Variants in CDH18 observed in about 807,000 individuals in gnomAD.
The protein encoded by CDH18 is cadherin-18.
Under a neutral mutation model 67.9 loss-of-function variants are expected in CDH18, and 31 were observed. The observed-to-expected ratio is 0.46, with a 90% CI of 0.34 to 0.62. CDH18 has a LOEUF of 0.62. Among genes scored for constraint, CDH18 ranks in the 20% least tolerant of loss-of-function variants. The pLI, the probability that CDH18 is intolerant of heterozygous loss-of-function variation, is 0.01. For synonymous variants in CDH18, 362 were observed against 347.2 expected, an observed-to-expected ratio of 1.04 and a Z score of -0.48; for missense variants, 890 against 975.5, an observed-to-expected ratio of 0.91 and a Z score of 1.17.
At chr5:19,687,299 G>A (rs1761237944) in intron 5 of CDH18, among the ~76,000 whole-genome samples, 1 of 152,182 alleles carries the variant, frequency 6.6e-6, no homozygotes, top group Non-Finnish European at 1.5e-5. Context: ...CATTTTGAAA[G>A]ACCAGCCTCC....
At chr5:19,979,217 T>TGTGTGTGTGA (rs1554075595) in intron 2 of CDH18, among the ~76,000 whole-genome samples, 1 of 138,832 alleles carries the variant, frequency 7.2e-6, no homozygotes, top group Non-Finnish European at 1.6e-5. Flanking sequence ...GGGGATGGAG[T>TGTGTGTGTGA]GTGTGTGTGT....
At chr5:19,782,655 A>T (rs1479255780) in intron 3 of CDH18, among the ~76,000 whole-genome samples, 1 of 152,176 alleles carries the variant, frequency 6.6e-6, no homozygotes, top group Non-Finnish European at 1.5e-5. Flanking sequence ...ACATGAGCGC[A>T]CTTAGACTTA....
intron 2 of CDH18, among the ~76,000 whole-genome samples, chr5:19,909,460 T>C (rs959965620): frequency 6.6e-6 from 1 of 151,750 alleles, no homozygotes; most frequent in Non-Finnish European, 1.5e-5. Flanking sequence ...CCACCACACC[T>C]GGCTAATTTT....
chr5:20,351,215 G>T (rs1242201835), intron 1 of CDH18, among the ~76,000 whole-genome samples: 3 of 141,550 alleles, frequency 2.1e-5, no homozygotes, highest in African/African-American at 2.8e-5. Context: ...TGCTTATTTT[G>T]TCTCCTTCTA....
chr5:19,878,244 C>T (rs965756448), intron 2 of CDH18, among the ~76,000 whole-genome samples: 22 of 151,996 alleles, frequency 1.4e-4, no homozygotes, highest in Admixed American at 1.3e-3. Flanking sequence ...AGATGTTATC[C>T]TATTGTGATT....
At chr5:20,119,925 T>C (rs1748215700) in intron 2 of CDH18, among the ~76,000 whole-genome samples, 1 of 151,924 alleles carries the variant, frequency 6.6e-6, no homozygotes, top group African/African-American at 2.4e-5. Flanking sequence ...GTACTTAAAA[T>C]ATAAATATAA....
chr5:19,638,989 T>TGTTTTTG (rs1561521163), intron 5 of CDH18, among the ~76,000 whole-genome samples: 203 of 92,182 alleles, frequency 2.2e-3, no homozygotes, highest in African/African-American at 8.0e-3. Flanking sequence ...TTTTTTTTTT[T>TGTTTTTG]TTTTTTTTTT....
At chr5:20,555,408 CTTTTTTTTTTTTTTTTTT>C (rs774396694) in intron 1 of CDH18, among the ~76,000 whole-genome samples, 23 of 103,636 alleles carry the variant, frequency 2.2e-4, no homozygotes, top group African/African-American at 4.9e-4. Context: ...ACAAGCTTTT[CTTTTTTTTTTTTTTTTTT>C]TTTTTTTTTT....
chr5:20,301,789 CTTTTTTTT>C (rs59276117), intron 1 of CDH18, among the ~76,000 whole-genome samples: 3 of 128,136 alleles, frequency 2.3e-5, no homozygotes, highest in South Asian at 2.6e-4. Context: ...TTTCTTTTTT[CTTTTTTTT>C]TTTTTTTTTT....
At chr5:20,366,582 T>A (rs536919813) in intron 1 of CDH18, among the ~76,000 whole-genome samples, 1 of 152,320 alleles carries the variant, frequency 6.6e-6, no homozygotes, top group African/African-American at 2.4e-5. Flanking sequence ...CTCTGTCACT[T>A]ACCTGCCTCA....
intron 1 of CDH18, among the ~76,000 whole-genome samples, chr5:20,496,076 G>A (rs1375444861): frequency 6.6e-6 from 1 of 152,056 alleles, no homozygotes; most frequent in African/African-American, 2.4e-5. Context: ...ACAGGAAACA[G>A]ATAAATAAGT....
intron 6 of CDH18, among the ~76,000 whole-genome samples, chr5:19,599,105 C>T (rs923679101): frequency 1.3e-5 from 2 of 151,900 alleles, no homozygotes; most frequent in Non-Finnish European, 2.9e-5. Flanking sequence ...TAGTATTCTA[C>T]CATAAAAGAT....
intron 1 of CDH18, among the ~76,000 whole-genome samples, chr5:20,317,889 C>T (rs1442500787): frequency 6.6e-6 from 1 of 152,112 alleles, no homozygotes; most frequent in African/African-American, 2.4e-5. Context: ...TAGCCCCATG[C>T]AATGTTCTAC....
intron 1 of CDH18, among the ~76,000 whole-genome samples, chr5:20,528,402 C>A (rs1756198228): frequency 6.6e-6 from 1 of 151,954 alleles, no homozygotes; most frequent in African/African-American, 2.4e-5. Flanking sequence ...ACCAAGTGGA[C>A]CTCATAGATA....
intron 6 of CDH18, among the ~76,000 whole-genome samples, chr5:19,606,043 C>T (rs1747982263): frequency 6.6e-6 from 1 of 152,042 alleles, no homozygotes; most frequent in Non-Finnish European, 1.5e-5. Flanking sequence ...CCATGAGTTA[C>T]TGGAGAGTCA....
chr5:19,877,351 G>T (rs919926101), intron 2 of CDH18, among the ~76,000 whole-genome samples: 9 of 152,090 alleles, frequency 5.9e-5, no homozygotes, highest in African/African-American at 2.2e-4. Context: ...TTAAATGTGG[G>T]TATGCTTTGA....
intron 2 of CDH18, among the ~76,000 whole-genome samples, chr5:19,918,834 A>C (rs1266425762): frequency 6.6e-6 from 1 of 152,146 alleles, no homozygotes; most frequent in Admixed American, 6.5e-5. Context: ...TGAATGACAG[A>C]GGTGATAAGC....
At chr5:19,709,057 G>A (rs2150518906) in intron 5 of CDH18, among the ~76,000 whole-genome samples, 1 of 152,036 alleles carries the variant, frequency 6.6e-6, no homozygotes, top group Non-Finnish European at 1.5e-5. Flanking sequence ...AACCTGTACT[G>A]TTGGTAAATT....
At chr5:20,088,514 G>C (rs144637580) in intron 2 of CDH18, among the ~76,000 whole-genome samples, 1 of 152,274 alleles carries the variant, frequency 6.6e-6, no homozygotes, top group Admixed American at 6.5e-5. Context: ...GAAGCATGTG[G>C]TCCTGGAGAT....
Sources: allele counts gnomAD v4.1 joint callset (sites outside exome capture counted in the v4.1 genomes callset), GRCh38; gene constraint gnomAD v4.1.1; transcripts MANE v1.5; gene names NCBI Gene and HGNC (gene_info 2026-07-23, HGNC 2026-07-21).